Variants in STXBP5 observed in about 807,000 individuals in gnomAD.
STXBP5 encodes the protein syntaxin binding protein 5, also known as syntaxin-binding protein 5.
A neutral mutation model predicts 152.4 loss-of-function variants in STXBP5; 50 were observed. The observed-to-expected ratio is 0.33, with a 90% CI of 0.26 to 0.42. The LOEUF (loss-of-function observed/expected upper bound fraction) is 0.42. Ranked by LOEUF, STXBP5 falls within the 10% of genes least tolerant of loss-of-function variation. The pLI, the probability that STXBP5 is intolerant of heterozygous loss-of-function variation, is 1.00. For synonymous variants in STXBP5, 492 were observed against 494.7 expected (o/e 0.99, Z 0.07); for missense variants, 1,167 against 1,388.6 (o/e 0.84, Z 2.54).
intron 6 of STXBP5, among the ~76,000 whole-genome samples, chr6:147,264,170 A>G (rs1183174042): frequency 4.6e-5 from 7 of 151,994 alleles, no homozygotes; most frequent in Non-Finnish European, 7.4e-5. Flanking sequence ...CCTGTTTGCA[A>G]AGAACTAGAC....
intron 21 of STXBP5, among the ~76,000 whole-genome samples, chr6:147,350,734 C>T (rs1282569837): frequency 1.3e-5 from 2 of 152,124 alleles, no homozygotes; most frequent in African/African-American, 4.8e-5. Context: ...TAGTGTTTTA[C>T]ATTTTATGAC....
Position 147,235,933 on chromosome 6 carries a change from TAG to T in STXBP5, c.330+607_330+608del, listed in dbSNP as rs1167308454. On this transcript the variant is annotated intron_variant, in intron 3 of 27. Coordinates refer to ENST00000321680, the MANE Select transcript of STXBP5 (RefSeq NM_001127715.4). ...AATAGATGTTAACTGCAAGTATTGA[TAG>T]AGAGGGAAAGCTAGTCGTAGAAGGA... Among the ~76,000 whole-genome samples the T allele has an allele frequency of 4.6e-5, 7 of 152,062 alleles. 1 individual carries two copies. Among genetic ancestry groups the T allele is most frequent in the African/African-American group, 1.7e-4 (7 of 41,392 alleles).
At chr6:147,233,503 C>T (rs1778108097) in intron 2 of STXBP5, among the ~76,000 whole-genome samples, 1 of 151,572 alleles carries the variant, frequency 6.6e-6, no homozygotes, top group East Asian at 1.9e-4. Context: ...TTATGATTTT[C>T]TACAGTAACT....
intron 2 of STXBP5, among the ~76,000 whole-genome samples, chr6:147,213,811 T>G (rs1314817407): frequency 6.6e-6 from 1 of 152,208 alleles, no homozygotes; most frequent in Non-Finnish European, 1.5e-5. Context: ...AACAGATGTT[T>G]ATCTGTTTAA....
intron 3 of STXBP5, among the ~76,000 whole-genome samples, chr6:147,236,648 C>T (rs1049311038): frequency 5.9e-5 from 9 of 152,074 alleles, no homozygotes; most frequent in Admixed American, 3.3e-4. Flanking sequence ...TAAGGACTAC[C>T]ACATCAAGAT....
intron 4 of STXBP5, among the ~76,000 whole-genome samples, chr6:147,259,777 ATACCT>A (rs1283189152): frequency 9.2e-5 from 14 of 151,940 alleles, no homozygotes; most frequent in Admixed American, 7.9e-4. Flanking sequence ...TTTTCACAAG[ATACCT>A]TTTTTTTTTA....
At chr6:147,314,075 T>C in intron 12 of STXBP5, 44 bp downstream of exon 12, 1 of 1,526,082 alleles carries the variant, frequency 6.6e-7, no homozygotes, top group South Asian at 1.2e-5. Flanking sequence ...ATTTCTTATT[T>C]ATTCTATATT....
Position 147,260,550 on chromosome 6 carries a change from C to G in STXBP5, c.432-65C>G, listed in dbSNP as rs554925165. 2.1e-5 allele frequency: 34 copies of G among 1,584,750 alleles called. No individual in the cohort carries two copies. In the African/African-American group the frequency reaches 4.0e-4, roughly 19 times the overall value. On this transcript the variant is annotated intron_variant, in intron 4 of 27. Transcript: ENST00000321680. ...TGAATTATATATCATAATCAACCCT[C>G]TAATGCAATTAGTAAAATTTGCCAT...
intron 4 of STXBP5, among the ~76,000 whole-genome samples, chr6:147,251,467 T>C (rs934356099): frequency 2.6e-5 from 4 of 152,120 alleles, no homozygotes; most frequent in South Asian, 4.1e-4. Context: ...GAAAGGGGGC[T>C]GAAGCCAGGG....
chr6:147,264,460 A>G lies in STXBP5; in HGVS notation c.630+2107A>G, dbSNP rs76469451. 7.3e-3 allele frequency among the ~76,000 whole-genome samples: 1,104 copies of G among 152,248 alleles called. 14 individuals are homozygous for G. Among genetic ancestry groups the G allele is most frequent in the African/African-American group, 0.025 (1,059 of 41,568 alleles). Reference sequence around the variant, plus strand: ...TATAAAGCAGAGACTTGGTGACATTATGTGTTCCATAGATACAGAGCTAGA... The same window carrying G: ...TATAAAGCAGAGACTTGGTGACATTGTGTGTTCCATAGATACAGAGCTAGA... On this transcript the variant is annotated intron_variant, in intron 6 of 27. Coordinates refer to ENST00000321680, the MANE Select transcript of STXBP5 (RefSeq NM_001127715.4).
chr6:147,209,660 C>T (rs767545662), intron 2 of STXBP5, among the ~76,000 whole-genome samples: 1 of 152,132 alleles, frequency 6.6e-6, no homozygotes, highest in Non-Finnish European at 1.5e-5. Context: ...AACCAAAGGA[C>T]TGGAACTAAA....
intron 4 of STXBP5, among the ~76,000 whole-genome samples, chr6:147,249,932 A>G (rs1218429417): frequency 6.6e-6 from 1 of 152,232 alleles, no homozygotes; most frequent in African/African-American, 2.4e-5. Flanking sequence ...AGCAGGAGCC[A>G]AAATGGAGAA....
chr6:147,308,059 G>A (rs772465616), intron 9 of STXBP5, among the ~76,000 whole-genome samples: 6 of 152,114 alleles, frequency 3.9e-5, no homozygotes, highest in Non-Finnish European at 7.4e-5. Flanking sequence ...AGCTGTTCTC[G>A]AAATATTACA....
intron 9 of STXBP5, among the ~76,000 whole-genome samples, chr6:147,295,200 T>C (rs9497742): frequency 0.017 from 2,550 of 152,288 alleles, 61 homozygotes; most frequent in African/African-American, 0.057. Flanking sequence ...GTAGACTATA[T>C]AAGAAGGTGT....
At chr6:147,257,941 G>T (rs370678615) in intron 4 of STXBP5, among the ~76,000 whole-genome samples, 1 of 152,138 alleles carries the variant, frequency 6.6e-6, no homozygotes, top group Admixed American at 6.5e-5. Flanking sequence ...CTGGCTGCAC[G>T]ACTAGGTTGG....
Position 147,350,074 on chromosome 6 carries a change from A to G in STXBP5, c.2255-3249A>G, listed in dbSNP as rs542452574. On this transcript the variant is annotated intron_variant, in intron 21 of 27. Transcript: ENST00000321680. ...ATAAATTGACTATATTAAAATTTAT[A>G]TGACATTTATAGTAAAATTACTGTA... is the stretch of plus-strand genomic sequence containing the variant. Among the ~76,000 whole-genome samples, 112 of 152,320 alleles carry G rather than the reference A, an allele frequency of 7.4e-4. 1 individual carries two copies. The highest frequency in any genetic ancestry group is 1.4e-3 in the Non-Finnish European group (93 of 68,028).
intron 4 of STXBP5, among the ~76,000 whole-genome samples, chr6:147,253,412 C>G (rs1779196832): frequency 6.6e-6 from 1 of 152,192 alleles, no homozygotes; most frequent in South Asian, 2.1e-4. Context: ...AGGATGCCCT[C>G]TCTCCCCACT....
intron 26 of STXBP5, among the ~76,000 whole-genome samples, chr6:147,381,093 G>T (rs963477486): frequency 7.9e-5 from 12 of 152,068 alleles, no homozygotes; most frequent in Admixed American, 2.6e-4. Flanking sequence ...TTACTCTCAT[G>T]AGAACAGCAC....
chr6:147,241,247 G>A (rs1778525945), intron 4 of STXBP5, among the ~76,000 whole-genome samples: 1 of 152,136 alleles, frequency 6.6e-6, no homozygotes, highest in Admixed American at 6.5e-5. Context: ...ACATGCATTA[G>A]TGTGGTAAGT....
Sources: gnomAD v4.1 joint callset for allele counts (sites outside exome capture counted in the v4.1 genomes callset) on GRCh38, gnomAD v4.1.1 for gene constraint, MANE v1.5 for transcripts, NCBI Gene and HGNC (gene_info 2026-07-23, HGNC 2026-07-21) for gene names.